The following ACOXL variants were observed in gnomAD, a reference collection of about 807,000 sequenced individuals.
ACOXL encodes acyl-coenzyme A oxidase-like protein.
ACOXL carries 70 observed loss-of-function variants against 71.9 expected under a neutral mutation model. The observed-to-expected ratio is 0.97, with a 90% CI of 0.80 to 1.19. ACOXL has a LOEUF of 1.19. Among genes scored for constraint, ACOXL ranks in the 50% most tolerant of loss-of-function variants. The pLI, the probability that ACOXL is intolerant of heterozygous loss-of-function variation, is 0.00. For synonymous variants in ACOXL, 253 were observed against 281.6 expected (o/e 0.90, Z 1.02); for missense variants, 703 against 736.3 (o/e 0.95, Z 0.52).
At chr2:110,738,670 G>A (rs1255553051) in intron 1 of ACOXL, among the ~76,000 whole-genome samples, 1 of 152,180 alleles carries the variant, frequency 6.6e-6, no homozygotes, top group Non-Finnish European at 1.5e-5. Context: ...TCATGATGGG[G>A]TGGCTTGACA....
intron 12 of ACOXL, among the ~76,000 whole-genome samples, chr2:110,955,289 C>G (rs1574269077): frequency 6.6e-6 from 1 of 151,848 alleles, no homozygotes; most frequent in Admixed American, 6.6e-5. Flanking sequence ...TTCTGCTTGT[C>G]TTTTATTTGC....
chr2:111,074,822 T>C (rs1192243331), intron 16 of ACOXL, among the ~76,000 whole-genome samples: 2 of 152,192 alleles, frequency 1.3e-5, no homozygotes, highest in African/African-American at 4.8e-5. Flanking sequence ...CTCAAACTCC[T>C]GGGTTCAAGT....
At chr2:111,062,801 A>G (rs1229849803) in intron 16 of ACOXL, among the ~76,000 whole-genome samples, 2 of 152,128 alleles carry the variant, frequency 1.3e-5, no homozygotes, top group African/African-American at 4.8e-5. Flanking sequence ...GAAGTAAGTA[A>G]ATAATAAAGA....
chr2:111,036,486 A>C, intron 15 of ACOXL, among the ~76,000 whole-genome samples: 1 of 152,352 alleles, frequency 6.6e-6, no homozygotes, highest in South Asian at 2.1e-4. Flanking sequence ...ATTCACTGCC[A>C]AATCCCAGTA....
At chr2:110,737,892 G>A (rs751128045) in intron 1 of ACOXL, among the ~76,000 whole-genome samples, 3 of 152,242 alleles carry the variant, frequency 2.0e-5, no homozygotes, top group Non-Finnish European at 2.9e-5. Context: ...TAGAAGCTTA[G>A]AGAGGACCAC....
intron 16 of ACOXL, among the ~76,000 whole-genome samples, chr2:111,079,851 A>G (rs1574695298): frequency 7.0e-6 from 1 of 142,516 alleles, no homozygotes; most frequent in Admixed American, 7.0e-5. Flanking sequence ...TGAAAAGTGG[A>G]GGTACTACAG....
intron 16 of ACOXL, among the ~76,000 whole-genome samples, chr2:111,057,903 T>C (rs1035269279): frequency 3.3e-5 from 5 of 152,208 alleles, no homozygotes; most frequent in Admixed American, 6.5e-5. Context: ...AATCCTGGTG[T>C]TCAGAAAAGC....
intron 12 of ACOXL, among the ~76,000 whole-genome samples, chr2:110,942,650 C>T (rs1056184390): frequency 2.0e-5 from 3 of 151,654 alleles, no homozygotes; most frequent in Non-Finnish European, 4.4e-5. Flanking sequence ...CTTTGGGAGG[C>T]TGAGGCAGGT....
intron 10 of ACOXL, among the ~76,000 whole-genome samples, chr2:110,870,403 G>A (rs1695131723): frequency 6.6e-6 from 1 of 151,108 alleles, no homozygotes; most frequent in African/African-American, 2.4e-5. Context: ...ATATTCAAAT[G>A]TTAAACAATT....
chr2:111,092,538 C>T (rs931432693), intron 16 of ACOXL, among the ~76,000 whole-genome samples: 7 of 152,076 alleles, frequency 4.6e-5, no homozygotes, highest in African/African-American at 7.2e-5. Context: ...TCCTAAATAA[C>T]GTGGGCTAGA....
intron 16 of ACOXL, among the ~76,000 whole-genome samples, chr2:111,050,015 C>G (rs2066207201): frequency 7.1e-6 from 1 of 141,310 alleles, no homozygotes; most frequent in Non-Finnish European, 1.6e-5. Flanking sequence ...ACATACTTTC[C>G]CACCACTAAG....
chr2:110,775,720 T>C lies in ACOXL; in HGVS notation c.75+7256T>C, dbSNP rs543040891. Among the ~76,000 whole-genome samples the C allele has an allele frequency of 5.3e-5, 8 of 152,176 alleles. No homozygotes were observed. In the South Asian group the frequency reaches 1.7e-3, roughly 32 times the overall value. On this transcript the variant is annotated intron_variant, in intron 2 of 17. Transcript: ENST00000439055. The stretch of plus-strand genomic sequence containing the variant: ...CACCTTACACCCATTAGGATGGTTA[T>C]TATCAAAAAAAACAAAAAACCAGAA...
At chr2:110,887,489 C>T (rs1263313160) in intron 10 of ACOXL, 2 of 152,468 alleles carry the variant, frequency 1.3e-5, no homozygotes, top group East Asian at 3.9e-4. Context: ...GAGTCTTGCT[C>T]TGTCACCCAG....
chr2:110,787,723 T>C (rs1285238947), intron 3 of ACOXL, among the ~76,000 whole-genome samples: 9 of 152,090 alleles, frequency 5.9e-5, no homozygotes. Context: ...TGGTTCCTTT[T>C]ACCCACCTTT....
At chr2:110,863,963 C>A (rs1380458599) in intron 10 of ACOXL, among the ~76,000 whole-genome samples, 1 of 152,132 alleles carries the variant, frequency 6.6e-6, no homozygotes, top group Non-Finnish European at 1.5e-5. Flanking sequence ...AGAGCTTCTC[C>A]AATTTCTGTT....
chr2:111,056,200 T>TAAAA (rs5833383), intron 16 of ACOXL, among the ~76,000 whole-genome samples: 5 of 145,680 alleles, frequency 3.4e-5, no homozygotes, highest in Non-Finnish European at 7.5e-5. Context: ...ACCCCAACTT[T>TAAAA]AAAAAAAAAA....
chr2:110,764,796 G>A (rs73956434), intron 1 of ACOXL, among the ~76,000 whole-genome samples: 2,152 of 152,018 alleles, frequency 0.014, 59 homozygotes, highest in African/African-American at 0.046. Context: ...TTTTGCAGTG[G>A]GCCTAAAACT....
chr2:110,795,385 T>A (rs759669312), intron 5 of ACOXL, among the ~76,000 whole-genome samples: 11 of 152,134 alleles, frequency 7.2e-5, no homozygotes, highest in Non-Finnish European at 1.3e-4. Context: ...TACTGACCAC[T>A]CGTAAAGTGC....
At chr2:111,007,029 G>GCTCC (rs1310839748) in intron 14 of ACOXL, among the ~76,000 whole-genome samples, 1 of 152,138 alleles carries the variant, frequency 6.6e-6, no homozygotes, top group African/African-American at 2.4e-5. Context: ...AAAGAAGGAA[G>GCTCC]GGGAGGCAAA....
Sources: allele counts gnomAD v4.1 joint callset (sites outside exome capture counted in the v4.1 genomes callset), GRCh38; gene constraint gnomAD v4.1.1; transcripts MANE v1.5; gene names NCBI Gene and HGNC (gene_info 2026-07-23, HGNC 2026-07-21).